The following EMG1 variants were observed in gnomAD, a reference collection of about 807,000 sequenced individuals.
EMG1 encodes ribosomal RNA small subunit methyltransferase NEP1.
In EMG1, 24 loss-of-function variants were observed where a neutral mutation model predicts 26.9. The ratio of observed to expected loss-of-function variants is 0.89; its 90% CI spans 0.65 to 1.26. EMG1 has a LOEUF of 1.26. EMG1 is among the 50% of genes most tolerant of loss of function. EMG1 has a pLI of 0.00. For synonymous variants in EMG1, 140 were observed against 112.6 expected, an observed-to-expected ratio of 1.24 and a Z score of -1.54; for missense variants, 299 against 307.6, an observed-to-expected ratio of 0.97 and a Z score of 0.21.
At chr12:6,996,117 C>T (rs782469259) in intron 7 of EMG1, among the ~76,000 whole-genome samples, 1 of 152,114 alleles carries the variant, frequency 6.6e-6, no homozygotes, top group Non-Finnish European at 1.5e-5. Flanking sequence ...TCTGCCCGGG[C>T]CCCACTGTCC....
Position 6,975,855 on chromosome 12 carries a change from C to A in EMG1, c.*46C>A, listed in dbSNP as rs782242691. 3 of 1,122,922 alleles carry A rather than the reference C, an allele frequency of 2.7e-6. No individual in the cohort carries two copies. The highest frequency in any genetic ancestry group is 2.3e-5 in the East Asian group (1 of 42,682). The allele number at this position is 1,122,922 out of a possible 1,614,324, so 69.6% of individuals were successfully genotyped here. On this transcript the variant is annotated 3_prime_UTR_variant, in exon 6 of 6. Coordinates refer to ENST00000599672, the MANE Select transcript of EMG1 (RefSeq NM_006331.8). ...AAACCAGAAACTGTTGATGTCACATCCTTTGACCCTGGTCTGAGCTGACTG... is the reference window on the plus strand; with the variant it reads ...AAACCAGAAACTGTTGATGTCACATACTTTGACCCTGGTCTGAGCTGACTG...
chr12:6,988,888 A>G (rs1946558358), downstream of EMG1, among the ~76,000 whole-genome samples: 1 of 152,134 alleles, frequency 6.6e-6, no homozygotes, highest in South Asian at 2.1e-4. Flanking sequence ...GCACTTTGGG[A>G]GGCCGAGGCA....
intron 3 of EMG1, 26 bp from the exon 4 acceptor site, chr12:6,975,064 T>C (rs782026659): frequency 6.2e-7 from 1 of 1,612,588 alleles, no homozygotes; most frequent in South Asian, 1.1e-5. Flanking sequence ...TCCATCTAGC[T>C]CTGAACTCTT....
intron 1 of EMG1, among the ~76,000 whole-genome samples, chr12:6,972,668 T>G (rs1454076624): frequency 1.3e-5 from 2 of 152,206 alleles, no homozygotes; most frequent in Non-Finnish European, 2.9e-5. Context: ...GTTAGGATAG[T>G]GTCTGTCAGT....
In EMG1 at chr12:6,976,076, GT is replaced by G. The variant is rs1301388775; in HGVS notation, c.*269del. ...AGGAGGTTACAGAGTTTGCAGTTTG[GT>G]TCCATGCTTTGAAGGCAGGCTTTAG... On this transcript the variant is annotated 3_prime_UTR_variant, in exon 6 of 6. Transcript: ENST00000599672. 2 of 350,238 alleles carry G rather than the reference GT, an allele frequency of 5.7e-6. No individual in the cohort carries two copies. Among genetic ancestry groups the G allele is most frequent in the Non-Finnish European group, 1.0e-5 (2 of 191,098 alleles). 21.7% of individuals were successfully genotyped at this position (350,238 alleles called of 1,614,324 possible).
intron 7 of EMG1, among the ~76,000 whole-genome samples, chr12:6,996,614 T>C (rs1946637784): frequency 6.6e-6 from 1 of 152,258 alleles, no homozygotes; most frequent in South Asian, 2.1e-4. Context: ...CTCTGTACTC[T>C]AGGCAGTCAA....
Position 6,978,222 on chromosome 12 carries a change from A to T in EMG1, c.*2413A>T. ...GGGGGTCAAAGTCAGTGTGAGCGAC[A>T]GGGGGTTCTGCCCAGATGGGAAAGA... On this transcript the variant is annotated 3_prime_UTR_variant, in exon 6 of 6. Transcript: ENST00000599672. The T allele has an allele frequency of 8.3e-7, 1 of 1,202,852 alleles. No individual in the cohort carries two copies. Among genetic ancestry groups the T allele is most frequent in the Non-Finnish European group, 1.2e-6 (1 of 855,438 alleles). 74.5% of individuals were successfully genotyped at this position (1,202,852 alleles called of 1,614,324 possible).
At position 6,970,961 on chromosome 12, in the gene EMG1, G is replaced by T. The variant is rs36061201; in HGVS notation, c.38G>T (p.Arg13Leu). 2,360 of 1,613,054 alleles carry T rather than the reference G, an allele frequency of 1.5e-3. 31 individuals are homozygous for T. The African/African-American group carries it at 0.028, about 19-fold the overall frequency. ...AGTGATGGATTCAAGCCTCGTGAAC[G>T]AAGCGGTGGGGAGCAGGCACAGGAC... ...APSDGFKPRERSGGEQAQDWD... is the reference protein window; with the variant it reads ...APSDGFKPRELSGGEQAQDWD... Residue 13 changes from arginine (R) to leucine (L), a missense_variant, in exon 1 of 6, where the codon CGA becomes CTA. By Grantham distance (102) the Arg-to-Leu change is moderately radical (BLOSUM62 -2). Coordinates refer to ENST00000599672, the MANE Select transcript of EMG1 (RefSeq NM_006331.8).
chr12:6,978,405 T>C lies in EMG1; in HGVS notation c.*2596T>C. 1 of 1,614,030 alleles carries C rather than the reference T, an allele frequency of 6.2e-7. No homozygotes were observed. Among genetic ancestry groups the C allele is most frequent in the Non-Finnish European group, 8.5e-7 (1 of 1,179,990 alleles). Reference sequence around the variant, plus strand: ...ATGGTGCCAGTGAAGCGGGGGTTTGTTTCAAAGAGCCACACCTTCATGTTG... The same window carrying C: ...ATGGTGCCAGTGAAGCGGGGGTTTGCTTCAAAGAGCCACACCTTCATGTTG... On this transcript the variant is annotated 3_prime_UTR_variant, in exon 6 of 6. Transcript: ENST00000599672.
chr12:6,978,766 C>T lies in EMG1; in HGVS notation c.*2957C>T. On this transcript the variant is annotated 3_prime_UTR_variant, in exon 6 of 6. Coordinates refer to ENST00000599672, the MANE Select transcript of EMG1 (RefSeq NM_006331.8). The stretch of plus-strand genomic sequence containing the variant: ...TCTCTCAGCACTCTTCCTTTTCACA[C>T]TTGTGGCTGGCTACTTCATACCTGC... 6.3e-7 allele frequency: 1 copy of T among 1,575,708 alleles called. No homozygotes were observed. Among genetic ancestry groups the T allele is most frequent in the East Asian group, 2.3e-5 (1 of 44,088 alleles).
Position 6,977,553 on chromosome 12 carries a change from A to G in EMG1, c.*1744A>G, listed in dbSNP as rs781898267. On this transcript the variant is annotated 3_prime_UTR_variant, in exon 6 of 6. Coordinates refer to ENST00000599672, the MANE Select transcript of EMG1 (RefSeq NM_006331.8). This position sits in a 1 kb window ranked among gnomAD's most constrained non-coding sequence, Gnocchi z 4.5. ...GGGGAGGGAGGAGGAGCTCATCAGC[A>G]TCTTGTCCCTTATATTCCCCTTCAC... 1.2e-6 allele frequency: 2 copies of G among 1,614,146 alleles called. No homozygotes were observed. The highest frequency in any genetic ancestry group is 1.7e-5 in the Admixed American group (1 of 60,012).
In EMG1 at chr12:6,978,563, G is replaced by A; in HGVS notation, c.*2754G>A. 1 of 1,613,404 alleles carries A rather than the reference G, an allele frequency of 6.2e-7. No homozygotes were observed. Among genetic ancestry groups the A allele is most frequent in the Non-Finnish European group, 8.5e-7 (1 of 1,179,534 alleles). ...GCCACTCCCCATACTGGCCCCCATG[G>A]CTTGTCTAAATAGGACCTTGTTTCA... On this transcript the variant is annotated 3_prime_UTR_variant, in exon 6 of 6. Transcript: ENST00000599672.
At chr12:6,995,889 AAT>A (rs1555155967) in intron 7 of EMG1, among the ~76,000 whole-genome samples, 2 of 152,120 alleles carry the variant, frequency 1.3e-5, no homozygotes, top group African/African-American at 4.8e-5. Context: ...TATTATTATT[AAT>A]ATATCATTAT....
chr12:6,981,650 G>A (rs782453727), downstream of EMG1: 36 of 1,613,250 alleles, frequency 2.2e-5, no homozygotes, highest in Middle Eastern at 1.7e-4. Context: ...GAGAGAGAAC[G>A]GATGGGTAGG....
intron 1 of EMG1, among the ~76,000 whole-genome samples, chr12:6,974,082 T>G (rs1946363816): frequency 6.6e-6 from 1 of 152,224 alleles, no homozygotes; most frequent in South Asian, 2.1e-4. Context: ...AAGTCACAGG[T>G]TGTGCCCTTC....
At chr12:6,989,400 C>T (rs1946565377), downstream of EMG1, among the ~76,000 whole-genome samples, 1 of 151,106 alleles carries the variant, frequency 6.6e-6, no homozygotes, top group African/African-American at 2.4e-5. Flanking sequence ...AGCTCCGCCT[C>T]CCGGGTTCAC....
At chr12:6,982,938 TTAAAA>T (rs1406135261), downstream of EMG1, 5 of 666,802 alleles carry the variant, frequency 7.5e-6, no homozygotes, top group Admixed American at 7.6e-5. Flanking sequence ...AAATTATTTA[TTAAAA>T]TAAAAAAGAT....
At chr12:6,997,053 CAA>C (rs1946642691) in intron 7 of EMG1, among the ~76,000 whole-genome samples, 1 of 152,050 alleles carries the variant, frequency 6.6e-6, no homozygotes, top group Non-Finnish European at 1.5e-5. Context: ...AGGAAAAGGA[CAA>C]ATTAAAGATG....
intron 3 of EMG1, 112 bp downstream of exon 3, chr12:6,974,805 A>C: frequency 8.8e-7 from 1 of 1,135,936 alleles, no homozygotes; most frequent in South Asian, 1.3e-5. Flanking sequence ...GGAGAACAAC[A>C]TGATTAATAC....
Sources: gnomAD v4.1 joint callset for allele counts (sites outside exome capture counted in the v4.1 genomes callset) on GRCh38, gnomAD v4.1.1 for gene constraint, Gnocchi (gnomAD v3.1) non-coding constraint, MANE v1.5 for transcripts, NCBI Gene and HGNC (gene_info 2026-07-23, HGNC 2026-07-21) for gene names.